The following DLGAP1 variants were observed in gnomAD, a reference collection of about 807,000 sequenced individuals.
DLGAP1 encodes DLG associated protein 1.
DLGAP1 carries 11 observed loss-of-function variants against 90.8 expected under a neutral mutation model. The ratio of observed to expected loss-of-function variants is 0.12; its 90% CI spans 0.08 to 0.20. The LOEUF (loss-of-function observed/expected upper bound fraction) is 0.20, where lower values mean the gene tolerates loss of function less well. Among genes scored for constraint, DLGAP1 ranks in the 10% least tolerant of loss-of-function variants. The probability of loss-of-function intolerance (pLI) is 1.00; values close to 1 mark genes in which losing one functional copy is unlikely to be tolerated. For synonymous variants in DLGAP1, 558 were observed against 540.7 expected (o/e 1.03, Z -0.44); for missense variants, 1,050 against 1,333.8 (o/e 0.79, Z 3.31).
intron 2 of DLGAP1, among the ~76,000 whole-genome samples, chr18:4,128,807 C>G (rs2076270893): frequency 6.6e-6 from 1 of 152,140 alleles, no homozygotes; most frequent in African/African-American, 2.4e-5. Flanking sequence ...AACACAAGAT[C>G]TCCTGACTTT....
intron 9 of DLGAP1, among the ~76,000 whole-genome samples, chr18:3,538,499 C>T (rs1355367467): frequency 6.6e-6 from 1 of 152,140 alleles, no homozygotes; most frequent in Non-Finnish European, 1.5e-5. Context: ...GTTCTTCCAA[C>T]AACCACTCAT....
intron 2 of DLGAP1, among the ~76,000 whole-genome samples, chr18:4,042,036 T>C (rs890994629): frequency 6.6e-6 from 1 of 152,226 alleles, no homozygotes; most frequent in African/African-American, 2.4e-5. Flanking sequence ...GATGTTTTGA[T>C]GACATCCACG....
chr18:4,101,088 T>C (rs980183564), intron 2 of DLGAP1, among the ~76,000 whole-genome samples: 1 of 152,212 alleles, frequency 6.6e-6, no homozygotes, highest in Non-Finnish European at 1.5e-5. Context: ...CATTCACAAC[T>C]TGGCTAACTT....
At chr18:3,519,404 C>A (rs979114025) in intron 10 of DLGAP1, among the ~76,000 whole-genome samples, 1 of 152,262 alleles carries the variant, frequency 6.6e-6, no homozygotes, top group African/African-American at 2.4e-5. Flanking sequence ...TAGTCCTTTG[C>A]AATGTATTTG....
Position 3,626,952 on chromosome 18 carries a change from A to G in DLGAP1, c.1592-44704T>C, listed in dbSNP as rs139371580. On this transcript the variant is annotated intron_variant, in intron 7 of 12. Transcript: ENST00000315677. The stretch of plus-strand genomic sequence containing the variant: ...GCTAAGACTGTGGTGATGGTTGTAC[A>G]ACTCTGTGAGCACACACACAAAAAA... Among the ~76,000 whole-genome samples the G allele has an allele frequency of 3.0e-3, 462 of 152,298 alleles. 8 individuals are homozygous for G. Among genetic ancestry groups the G allele is most frequent in the African/African-American group, 0.011 (449 of 41,580 alleles).
rs957020110 is a variant in DLGAP1 at position 3,711,957 on chromosome 18, T to C, written c.1591+17178A>G. ...CTGTGGGAAGGGAGGCATACAGAAA[T>C]GTATAAGGAGGCATGAGTCCTAACA... On this transcript the variant is annotated intron_variant, in intron 7 of 12. Transcript: ENST00000315677. The surrounding 1 kb of genome is among the most constrained non-coding windows in gnomAD (Gnocchi z 4.0). Among the ~76,000 whole-genome samples the C allele has an allele frequency of 1.3e-5, 2 of 152,058 alleles. No homozygotes were observed. The highest frequency in any genetic ancestry group is 3.9e-4 in the East Asian group (2 of 5,164).
intron 7 of DLGAP1, among the ~76,000 whole-genome samples, chr18:3,623,776 C>CAAAAAAAAA (rs56352605): frequency 1.1e-5 from 1 of 92,338 alleles, no homozygotes; most frequent in African/African-American, 3.8e-5. Flanking sequence ...GACTCCGTCT[C>CAAAAAAAAA]AAAAAAAAAA....
intron 5 of DLGAP1, among the ~76,000 whole-genome samples, chr18:3,748,183 T>C (rs2063350376): frequency 6.6e-6 from 1 of 152,234 alleles, no homozygotes; most frequent in Non-Finnish European, 1.5e-5. Context: ...TTTTTTGGGC[T>C]GGGAGGTCCC....
intron 4 of DLGAP1, among the ~76,000 whole-genome samples, chr18:3,855,616 T>A (rs933166824): frequency 1.3e-5 from 2 of 152,118 alleles, no homozygotes; most frequent in African/African-American, 4.8e-5. Context: ...AATTAATTAA[T>A]TAATTTATTT....
intron 5 of DLGAP1, among the ~76,000 whole-genome samples, chr18:3,781,328 GAC>G (rs1180917503): frequency 6.6e-6 from 1 of 151,474 alleles, no homozygotes; most frequent in African/African-American, 2.4e-5. Flanking sequence ...CCTACTAATG[GAC>G]AGAAATTGTA....
chr18:4,268,414 A>AAT (rs1247542854), intron 1 of DLGAP1, among the ~76,000 whole-genome samples: 2 of 152,212 alleles, frequency 1.3e-5, no homozygotes, highest in East Asian at 3.8e-4. Flanking sequence ...GGAGATTATG[A>AAT]ATATAGACAG....
intron 2 of DLGAP1, among the ~76,000 whole-genome samples, chr18:4,082,532 A>AAAAAAAAAAAAAAAAAAAG (rs2075625683): frequency 7.0e-6 from 1 of 142,902 alleles, no homozygotes; most frequent in Non-Finnish European, 1.6e-5. Context: ...AAAAAAAAAA[A>AAAAAAAAAAAAAAAAAAAG]AAGAAGGGTG....
chr18:4,292,415 AAGTCAGATCACCAG>A (rs1378078399), intron 1 of DLGAP1, among the ~76,000 whole-genome samples: 1 of 152,134 alleles, frequency 6.6e-6, no homozygotes, highest in Non-Finnish European at 1.5e-5. Flanking sequence ...GTATATTTTA[AAGTCAGATCACCAG>A]ATTGTATTTT....
At chr18:3,790,273 CT>C (rs11449067) in intron 5 of DLGAP1, among the ~76,000 whole-genome samples, 63,344 of 143,952 alleles carry the variant, frequency 0.44, 14,467 homozygotes, top group Non-Finnish European at 0.54. Flanking sequence ...CTTTTTTTTT[CT>C]TTTTTTTTTT....
At chr18:3,630,685 G>A (rs765679478) in intron 7 of DLGAP1, among the ~76,000 whole-genome samples, 1 of 152,074 alleles carries the variant, frequency 6.6e-6, no homozygotes, top group South Asian at 2.1e-4. Flanking sequence ...ATATGAGCAC[G>A]GGACTATTTC....
chr18:4,157,288 C>G (rs1180988077), intron 1 of DLGAP1, among the ~76,000 whole-genome samples: 1 of 152,124 alleles, frequency 6.6e-6, no homozygotes, highest in Non-Finnish European at 1.5e-5. Context: ...ACCTTATAGT[C>G]CATAAACTAT....
intron 7 of DLGAP1, among the ~76,000 whole-genome samples, chr18:3,697,204 CTCTGA>C (rs573227767): frequency 1.2e-3 from 175 of 151,952 alleles, no homozygotes; most frequent in African/African-American, 4.0e-3. Flanking sequence ...TTCAGTTCTG[CTCTGA>C]TCTATTTCTT....
intron 7 of DLGAP1, among the ~76,000 whole-genome samples, chr18:3,639,211 C>G (rs1035441069): frequency 2.6e-5 from 4 of 152,006 alleles, no homozygotes; most frequent in Non-Finnish European, 5.9e-5. Context: ...CAAAAGTTAG[C>G]CAGGCGTGGT....
At chr18:3,930,408 T>C (rs2072489953) in intron 3 of DLGAP1, among the ~76,000 whole-genome samples, 1 of 152,206 alleles carries the variant, frequency 6.6e-6, no homozygotes, top group Middle Eastern at 3.2e-3. Flanking sequence ...CTCCTATTTC[T>C]TGAGGGAGTT....
Sources: allele counts gnomAD v4.1 joint callset (sites outside exome capture counted in the v4.1 genomes callset), GRCh38; gene constraint gnomAD v4.1.1; non-coding constraint Gnocchi (gnomAD v3.1); transcripts MANE v1.5; gene names NCBI Gene and HGNC (gene_info 2026-07-23, HGNC 2026-07-21).